GMPR: variants seen among roughly 807,000 people sequenced by gnomAD.
GMPR encodes the protein GMP reductase 1.
A neutral mutation model predicts 38.4 loss-of-function variants in GMPR; 31 were observed. The observed-to-expected ratio is 0.81, with a 90% CI of 0.61 to 1.09. The LOEUF is 1.09. GMPR is among the 50% of genes least tolerant of loss of function. GMPR has a pLI of 0.00. For missense variants in GMPR, 468 were observed against 453.7 expected, an observed-to-expected ratio of 1.03 and a Z score of -0.29; for synonymous variants, 162 against 173.3, an observed-to-expected ratio of 0.93 and a Z score of 0.51.
At chr6:16,249,265 C>T (rs1341712075) in intron 2 of GMPR, among the ~76,000 whole-genome samples, 2 of 150,730 alleles carry the variant, frequency 1.3e-5, no homozygotes, top group Non-Finnish European at 2.9e-5. Flanking sequence ...CTCCATCTCC[C>T]AGGTTCAAGT....
intron 2 of GMPR, among the ~76,000 whole-genome samples, chr6:16,249,101 T>C (rs1685232879): frequency 6.6e-6 from 1 of 152,050 alleles, no homozygotes; most frequent in Non-Finnish European, 1.5e-5. Context: ...CCAATCTCCG[T>C]AGTCAGATCC....
chr6:16,254,832 C>A, intron 4 of GMPR, 97 bp downstream of exon 4: 2 of 774,812 alleles, frequency 2.6e-6, no homozygotes, highest in Admixed American at 2.1e-5. Context: ...CTCTTCAGAG[C>A]TTTTGGTGCC....
intron 5 of GMPR, 130 bp from the exon 6 acceptor site, chr6:16,278,654 A>G (rs1759521085): frequency 1.4e-6 from 1 of 722,478 alleles, no homozygotes; most frequent in South Asian, 1.5e-5. Flanking sequence ...CCTGTTCCCC[A>G]CATCTCCTCT....
chr6:16,276,498 C>T (rs7763945), intron 5 of GMPR, among the ~76,000 whole-genome samples: 9,875 of 152,142 alleles, frequency 0.065, 661 homozygotes, highest in African/African-American at 0.18. Flanking sequence ...GATGTGGTCT[C>T]GAACATTTAC....
chr6:16,246,564 A>T (rs1384845195), intron 1 of GMPR, among the ~76,000 whole-genome samples: 1 of 152,108 alleles, frequency 6.6e-6, no homozygotes, highest in African/African-American at 2.4e-5. Context: ...GGGTGGGGCG[A>T]AGATAACATG....
At chr6:16,285,680 G>C (rs998481999) in intron 6 of GMPR, 113 bp from the exon 7 acceptor site, 2 of 819,312 alleles carry the variant, frequency 2.4e-6, no homozygotes, top group African/African-American at 3.4e-5. Flanking sequence ...CCGTGGGCTT[G>C]CTGGGGGCTG....
In GMPR at chr6:16,259,180, A is replaced by AG. The variant is rs1759034339; in HGVS notation, c.465+4446dup. The AG allele has an allele frequency of 2.0e-5, 3 of 152,090 alleles. No individual in the cohort carries two copies. In the South Asian group the frequency reaches 6.2e-4, roughly 32 times the overall value. 9.4% of individuals were successfully genotyped at this position (152,090 alleles called of 1,614,324 possible). A position where few individuals can be genotyped will look rare whatever the true frequency, so the allele number is the denominator to read the frequency against. On this transcript the variant is annotated intron_variant, in intron 4 of 8. Coordinates refer to ENST00000259727, the MANE Select transcript of GMPR (RefSeq NM_006877.4). ...GTAGGTAAAGGAAAATTACAGTCAAAGAGGGGTTGGTTTGTTCTCTGGCGG... is the reference window on the plus strand; with the variant it reads ...GTAGGTAAAGGAAAATTACAGTCAAAGGAGGGGTTGGTTTGTTCTCTGGCGG...
chr6:16,278,217 G>A (rs1018091547), intron 5 of GMPR, among the ~76,000 whole-genome samples: 3 of 152,128 alleles, frequency 2.0e-5, no homozygotes, highest in Admixed American at 6.5e-5. Context: ...GGAGGGTGTC[G>A]TGCTGCAGGC....
At chr6:16,265,612 C>T (rs1202743504) in intron 4 of GMPR, among the ~76,000 whole-genome samples, 1 of 145,370 alleles carries the variant, frequency 6.9e-6, no homozygotes, top group Non-Finnish European at 1.6e-5. Flanking sequence ...AAAATAGCAC[C>T]AAGCAGCGCT....
intron 4 of GMPR, among the ~76,000 whole-genome samples, chr6:16,265,183 C>T (rs1759168918): frequency 6.6e-6 from 1 of 152,210 alleles, no homozygotes; most frequent in Admixed American, 6.5e-5. Flanking sequence ...AAACTCCTGA[C>T]TTCAAGTAGT....
intron 3 of GMPR, among the ~76,000 whole-genome samples, chr6:16,251,104 C>A (rs905614351): frequency 2.0e-5 from 3 of 152,140 alleles, no homozygotes; most frequent in African/African-American, 7.2e-5. Flanking sequence ...TTCATGGCAG[C>A]GTTATTCATA....
chr6:16,280,882 T>C (rs1453253427), intron 6 of GMPR, among the ~76,000 whole-genome samples: 1 of 152,182 alleles, frequency 6.6e-6, no homozygotes, highest in Non-Finnish European at 1.5e-5. Flanking sequence ...ATTTCCAAAG[T>C]AGTGGAGTTC....
At chr6:16,254,249 A>G (rs897115476) in intron 3 of GMPR, among the ~76,000 whole-genome samples, 2 of 152,124 alleles carry the variant, frequency 1.3e-5, no homozygotes, top group Non-Finnish European at 2.9e-5. Flanking sequence ...TATTCTTAGT[A>G]GAGATGGGGT....
chr6:16,266,021 C>T (rs547658719), intron 4 of GMPR, among the ~76,000 whole-genome samples: 182 of 151,902 alleles, frequency 1.2e-3, no homozygotes, highest in Non-Finnish European at 2.1e-3. Context: ...AGGTCTGTGG[C>T]TTCACTGCTG....
intron 6 of GMPR, among the ~76,000 whole-genome samples, chr6:16,281,773 G>T (rs566588198): frequency 1.1e-4 from 17 of 152,298 alleles, no homozygotes; most frequent in African/African-American, 3.6e-4. Flanking sequence ...CTCCCAAAGT[G>T]CTGGGATTAC....
chr6:16,278,854 C>A lies in GMPR; in HGVS notation c.618C>A (p.Ala206=). 6.2e-7 allele frequency: 1 copy of A among 1,613,754 alleles called. No individual in the cohort carries two copies. Among genetic ancestry groups the A allele is most frequent in the South Asian group, 1.1e-5 (1 of 91,050 alleles). The part of the protein sequence containing the change: ...YPQLSAVIEC[A]DSAHGLKGHI... ...AGCTGAGTGCCGTCATTGAGTGTGCCGACTCTGCCCATGGCCTGAAGGGCC... is the reference window on the plus strand; with the variant it reads ...AGCTGAGTGCCGTCATTGAGTGTGCAGACTCTGCCCATGGCCTGAAGGGCC... Residue 206 remains alanine, a synonymous_variant, in exon 6 of 9, where the codon GCC becomes GCA. Transcript: ENST00000259727.
At chr6:16,286,253 C>T (rs1340839135) in intron 7 of GMPR, among the ~76,000 whole-genome samples, 2 of 151,988 alleles carry the variant, frequency 1.3e-5, no homozygotes, top group African/African-American at 2.4e-5. Context: ...GCCTGCCTCC[C>T]GCTAGGGGGC....
chr6:16,240,971 A>G (rs1758637731), intron 1 of GMPR, among the ~76,000 whole-genome samples: 1 of 150,256 alleles, frequency 6.7e-6, no homozygotes, highest in Non-Finnish European at 1.5e-5. Context: ...ATCTGACTTT[A>G]CTTGCCTCGG....
chr6:16,269,817 T>G (rs1759346483), intron 4 of GMPR, among the ~76,000 whole-genome samples: 1 of 152,098 alleles, frequency 6.6e-6, no homozygotes, highest in Admixed American at 6.5e-5. Context: ...AAATAAATAA[T>G]ACAAATCAGA....
Sources: allele counts gnomAD v4.1 joint callset (sites outside exome capture counted in the v4.1 genomes callset), GRCh38; gene constraint gnomAD v4.1.1; transcripts MANE v1.5; gene names NCBI Gene and HGNC (gene_info 2026-07-23, HGNC 2026-07-21).